FGFR1: variants seen among roughly 807,000 people sequenced by gnomAD.
The protein encoded by FGFR1 is FGFR1/PLAG1 fusion.
In FGFR1, 18 loss-of-function variants were observed where a neutral mutation model predicts 93.7. The ratio of observed to expected loss-of-function variants is 0.19; its 90% CI spans 0.13 to 0.28. The LOEUF is 0.28. Ranked by LOEUF, FGFR1 falls within the 10% of genes least tolerant of loss-of-function variation. The pLI is 1.00. For synonymous variants in FGFR1, 448 were observed against 429.3 expected, an observed-to-expected ratio of 1.04 and a Z score of -0.54; for missense variants, 731 against 1,080.4, an observed-to-expected ratio of 0.68 and a Z score of 4.53.
intron 2 of FGFR1, among the ~76,000 whole-genome samples, chr8:38,439,029 G>T (rs933597093): frequency 3.2e-4 from 49 of 152,322 alleles, no homozygotes; most frequent in African/African-American, 1.2e-3. Flanking sequence ...GGTGTTCATT[G>T]TGATTGTGGC....
At chr8:38,466,901 CCCCCA>C (rs1462511032) in intron 1 of FGFR1, among the ~76,000 whole-genome samples, 4,587 of 149,520 alleles carry the variant, frequency 0.031, 117 homozygotes, top group Non-Finnish European at 0.04. Context: ...CCCCACCCCC[CCCCCA>C]CCACCACCAA....
rs749539541 is a variant in FGFR1 at position 38,440,271 on chromosome 8, C to T, written c.92-10323G>A. 25 of 1,579,112 alleles carry T rather than the reference C, an allele frequency of 1.6e-5. No homozygotes were observed. In the East Asian group the frequency reaches 1.8e-4, roughly 12 times the overall value. On this transcript the variant is annotated intron_variant, in intron 2 of 17. Coordinates refer to ENST00000447712, the MANE Select transcript of FGFR1 (RefSeq NM_023110.3). ...GCCCTCTGCAGAGGTTTTTTTATTA[C>T]GTATTTTGGCTTTGAAATGGAACTG...
chr8:38,423,755 G>C (rs1038388703), intron 7 of FGFR1: 2 of 158,812 alleles, frequency 1.3e-5, no homozygotes. Flanking sequence ...CAGGGGTTGT[G>C]AGTGGAGACA....
chr8:38,440,358 G>T (rs772294814), intron 2 of FGFR1: 1 of 1,599,728 alleles, frequency 6.3e-7, no homozygotes, highest in Non-Finnish European at 8.5e-7. Flanking sequence ...CGAAATCCCG[G>T]GTCACAGCTG....
intron 7 of FGFR1, chr8:38,423,274 G>GC: frequency 1.4e-6 from 1 of 702,208 alleles, no homozygotes; most frequent in Middle Eastern, 3.2e-4. Flanking sequence ...AGGGAGCGAA[G>GC]GGAGATGTTA....
At chr8:38,435,089 C>T (rs1035163425) in intron 2 of FGFR1, 8 of 152,172 alleles carry the variant, frequency 5.3e-5, no homozygotes, top group Non-Finnish European at 7.3e-5. Context: ...AGGCTGGTCT[C>T]GAACTCCTGA....
At chr8:38,421,674 A>C in intron 8 of FGFR1, 123 bp downstream of exon 8, 1 of 1,012,038 alleles carries the variant, frequency 9.9e-7, no homozygotes, top group Non-Finnish European at 1.6e-6. Context: ...ATGTGGCACC[A>C]GGCAGGCAGG....
Position 38,413,544 on chromosome 8 carries a change from G to A in FGFR1, c.*84C>T. On this transcript the variant is annotated 3_prime_UTR_variant, in exon 18 of 18. Coordinates refer to ENST00000447712, the MANE Select transcript of FGFR1 (RefSeq NM_023110.3). This position sits in a 1 kb window ranked among gnomAD's most constrained non-coding sequence, Gnocchi z 4.2. ...TCCTGCCAGCAGGAAAGGGGACAGG[G>A]ACGGACAGGTGGTGGGCCCAGCAGG... The A allele has an allele frequency of 6.9e-7, 1 of 1,452,628 alleles. No individual in the cohort carries two copies. Among genetic ancestry groups the A allele is most frequent in the South Asian group, 1.3e-5 (1 of 75,386 alleles). The allele number at this position is 1,452,628 out of a possible 1,614,324, so 90.0% of individuals were successfully genotyped here. A position where few individuals can be genotyped will look rare whatever the true frequency, so the allele number is the denominator to read the frequency against.
At chr8:38,416,537 C>T (rs1287817536) in intron 12 of FGFR1, among the ~76,000 whole-genome samples, 1 of 140,398 alleles carries the variant, frequency 7.1e-6, no homozygotes, top group African/African-American at 2.6e-5. Context: ...CTAACCGCAA[C>T]CTCCGCCTCC....
intron 7 of FGFR1, chr8:38,423,283 T>C (rs1307647823): frequency 8.9e-6 from 6 of 671,776 alleles, no homozygotes; most frequent in African/African-American, 3.7e-5. Context: ...AGGGAGATGT[T>C]AAGTGAGATT....
chr8:38,466,088 A>G lies in FGFR1; in HGVS notation c.-89+1893T>C, dbSNP rs546544634. 1.1e-3 allele frequency: 250 copies of G among 231,304 alleles called. 1 individual carries two copies. The highest frequency in any genetic ancestry group is 1.9e-3 in the Non-Finnish European group (226 of 116,714). The allele number at this position is 231,304 out of a possible 1,614,324, so 14.3% of individuals were successfully genotyped here. Reference sequence around the variant, plus strand: ...GCCTCAAAGACTATTACCAAACACAACTCGAAAATCCAACCCCGCTTTCAA... The same window carrying G: ...GCCTCAAAGACTATTACCAAACACAGCTCGAAAATCCAACCCCGCTTTCAA... On this transcript the variant is annotated intron_variant, in intron 1 of 17. Transcript: ENST00000447712.
At chr8:38,467,109 C>G (rs1276653492) in intron 1 of FGFR1, among the ~76,000 whole-genome samples, 1 of 151,990 alleles carries the variant, frequency 6.6e-6, no homozygotes, top group Non-Finnish European at 1.5e-5. Flanking sequence ...TGAACCACAC[C>G]GGACAAAAAC....
chr8:38,441,252 C>T (rs1304199798), intron 2 of FGFR1, among the ~76,000 whole-genome samples: 1 of 152,154 alleles, frequency 6.6e-6, no homozygotes, highest in Non-Finnish European at 1.5e-5. Context: ...CTTCTATGCA[C>T]GGATTCATCT....
chr8:38,425,856 C>T (rs973126537), intron 6 of FGFR1: 5 of 515,492 alleles, frequency 9.7e-6, no homozygotes, highest in Non-Finnish European at 1.4e-5. Context: ...TCCAACAACG[C>T]CTCCTTCAGG....
intron 9 of FGFR1, 74 bp from the exon 10 acceptor site, chr8:38,418,447 C>T (rs1817560440): frequency 1.3e-6 from 2 of 1,519,632 alleles, no homozygotes; most frequent in Non-Finnish European, 1.8e-6. Context: ...TTAGTCAGGG[C>T]TTCCCAACAA....
rs1337263803 is a variant in FGFR1 at position 38,468,246 on chromosome 8, C to T, written c.-354G>A. On this transcript the variant is annotated 5_prime_UTR_variant, in exon 1 of 18. Transcript: ENST00000447712. ...CCGTCCGCCACCCGGGGTCTCCAGA[C>T]CTTGTGCCCCCCTCCTCCAGAACGC... The T allele has an allele frequency of 8.7e-6, 2 of 228,574 alleles. No homozygotes were observed. Among genetic ancestry groups the T allele is most frequent in the Non-Finnish European group, 8.7e-6 (1 of 114,964 alleles). 14.2% of individuals were successfully genotyped at this position (228,574 alleles called of 1,614,324 possible). A position where few individuals can be genotyped will look rare whatever the true frequency, so the allele number is the denominator to read the frequency against.
At chr8:38,431,135 T>C (rs1822955897) in intron 2 of FGFR1, among the ~76,000 whole-genome samples, 1 of 152,184 alleles carries the variant, frequency 6.6e-6, no homozygotes, top group South Asian at 2.1e-4. Context: ...CGCTCCCCGA[T>C]GCATAAGGCT....
chr8:38,422,838 A>ATT, intron 7 of FGFR1: 1 of 578,216 alleles, frequency 1.7e-6, no homozygotes, highest in Non-Finnish European at 3.1e-6. Flanking sequence ...GCAGAGAGGG[A>ATT]ACCCACAGAC....
At chr8:38,465,190 A>G (rs1835240424) in intron 1 of FGFR1, among the ~76,000 whole-genome samples, 1 of 152,202 alleles carries the variant, frequency 6.6e-6, no homozygotes. Flanking sequence ...CCTTGCTATC[A>G]AAGGGCCACC....
Sources: gnomAD v4.1 joint callset for allele counts (sites outside exome capture counted in the v4.1 genomes callset) on GRCh38, gnomAD v4.1.1 for gene constraint, Gnocchi (gnomAD v3.1) non-coding constraint, MANE v1.5 for transcripts, NCBI Gene and HGNC (gene_info 2026-07-23, HGNC 2026-07-21) for gene names.